SPAG16: variants seen among roughly 807,000 people sequenced by gnomAD.
SPAG16 encodes the protein sperm associated antigen 16.
In SPAG16, 86 loss-of-function variants were observed where a neutral mutation model predicts 80.4. The ratio of observed to expected loss-of-function variants is 1.07; its 90% CI spans 0.90 to 1.28. The LOEUF is 1.28. Ranked by LOEUF, SPAG16 falls within the 50% of genes most tolerant of loss-of-function variation. The probability of loss-of-function intolerance (pLI) is 0.00; values close to 1 mark genes in which losing one functional copy is unlikely to be tolerated. For synonymous variants in SPAG16, 294 were observed against 265.9 expected (o/e 1.11, Z -1.03); for missense variants, 870 against 765.3 (o/e 1.14, Z -1.61).
At chr2:214,391,678 C>T (rs896533229) in intron 15 of SPAG16, among the ~76,000 whole-genome samples, 6 of 152,146 alleles carry the variant, frequency 3.9e-5, no homozygotes, top group African/African-American at 1.2e-4. Context: ...AGTAGGGACT[C>T]AAATGCCTAA....
intron 13 of SPAG16, among the ~76,000 whole-genome samples, chr2:214,104,018 A>G (rs1187370270): frequency 6.6e-6 from 1 of 152,120 alleles, no homozygotes; most frequent in Non-Finnish European, 1.5e-5. Flanking sequence ...TCTGAAATCT[A>G]AACAAATCTT....
chr2:213,668,958 A>G (rs2063717789), intron 10 of SPAG16, among the ~76,000 whole-genome samples: 1 of 152,150 alleles, frequency 6.6e-6, no homozygotes. Context: ...TGAGAAATAT[A>G]ATAGTATTTC....
At chr2:213,440,427 C>T (rs1033989172) in intron 9 of SPAG16, among the ~76,000 whole-genome samples, 12 of 151,606 alleles carry the variant, frequency 7.9e-5, no homozygotes, top group East Asian at 1.9e-4. Context: ...TGGCGGCGGG[C>T]GCCTGTAGTC....
intron 14 of SPAG16, among the ~76,000 whole-genome samples, chr2:214,130,527 C>A (rs1337671511): frequency 6.6e-6 from 1 of 152,150 alleles, no homozygotes; most frequent in Non-Finnish European, 1.5e-5. Context: ...AATTTAACAC[C>A]ACTCGCTCTT....
At chr2:213,735,320 CA>C (rs979996106) in intron 10 of SPAG16, among the ~76,000 whole-genome samples, 13 of 152,168 alleles carry the variant, frequency 8.5e-5, no homozygotes, top group African/African-American at 2.4e-4. Flanking sequence ...TTTCTCAATT[CA>C]AAATAAAAAT....
At chr2:213,304,056 A>G (rs1053606377) in intron 3 of SPAG16, among the ~76,000 whole-genome samples, 1 of 152,140 alleles carries the variant, frequency 6.6e-6, no homozygotes, top group East Asian at 1.9e-4. Flanking sequence ...ATTATTGGCT[A>G]TCTTTCAGAT....
At chr2:214,289,128 A>G (rs1218077468) in intron 15 of SPAG16, among the ~76,000 whole-genome samples, 3 of 152,106 alleles carry the variant, frequency 2.0e-5, no homozygotes, top group African/African-American at 7.2e-5. Context: ...AGTTTCTTGT[A>G]TATTTCAGAT....
At chr2:213,765,445 T>C (rs1327605886) in intron 10 of SPAG16, among the ~76,000 whole-genome samples, 1 of 152,196 alleles carries the variant, frequency 6.6e-6, no homozygotes, top group Non-Finnish European at 1.5e-5. Flanking sequence ...CTTAGAAGAA[T>C]GGAGATAGAA....
chr2:213,628,634 ACTTCTATTT>A (rs974497089), intron 10 of SPAG16, among the ~76,000 whole-genome samples: 9 of 152,164 alleles, frequency 5.9e-5, no homozygotes, highest in Admixed American at 2.6e-4. Context: ...TTTGCTTGTA[ACTTCTATTT>A]CTTGACTTGA....
At chr2:213,432,458 A>G (rs568528667) in intron 9 of SPAG16, among the ~76,000 whole-genome samples, 2 of 152,304 alleles carry the variant, frequency 1.3e-5, no homozygotes, top group African/African-American at 4.8e-5. Flanking sequence ...ACAACCATGA[A>G]CAACCACATG....
At chr2:213,776,298 G>T (rs540757770) in intron 10 of SPAG16, among the ~76,000 whole-genome samples, 1 of 152,304 alleles carries the variant, frequency 6.6e-6, no homozygotes, top group East Asian at 1.9e-4. Context: ...TTGCAGGAGG[G>T]AGAGAGACAC....
chr2:214,141,365 G>A (rs2055349399), intron 14 of SPAG16, among the ~76,000 whole-genome samples: 1 of 151,718 alleles, frequency 6.6e-6, no homozygotes, highest in African/African-American at 2.4e-5. Flanking sequence ...TACTCAGGAG[G>A]CTGAGGCAGG....
intron 13 of SPAG16, among the ~76,000 whole-genome samples, chr2:214,067,707 A>C (rs898089850): frequency 1.3e-5 from 2 of 152,114 alleles, no homozygotes; most frequent in Non-Finnish European, 2.9e-5. Context: ...ATGTGAATAC[A>C]TCCGGGTCTT....
At chr2:213,823,052 T>C (rs935255846) in intron 10 of SPAG16, among the ~76,000 whole-genome samples, 1 of 152,230 alleles carries the variant, frequency 6.6e-6, no homozygotes, top group African/African-American at 2.4e-5. Flanking sequence ...GCATGTGTCT[T>C]ATAGTAGAAT....
intron 12 of SPAG16, among the ~76,000 whole-genome samples, chr2:213,978,487 T>G (rs2045532601): frequency 6.6e-6 from 1 of 152,134 alleles, no homozygotes; most frequent in South Asian, 2.1e-4. Context: ...TTCTACCTAC[T>G]TCCTATTGCC....
chr2:213,917,920 T>C (rs1186292362), intron 11 of SPAG16, among the ~76,000 whole-genome samples: 2 of 152,204 alleles, frequency 1.3e-5, no homozygotes, highest in African/African-American at 4.8e-5. Context: ...TTGTCATAGA[T>C]GGCTCTTATT....
intron 11 of SPAG16, among the ~76,000 whole-genome samples, chr2:213,922,322 T>C (rs191184925): frequency 1.5e-3 from 225 of 152,328 alleles, no homozygotes; most frequent in African/African-American, 5.3e-3. Context: ...TCCTGCTGTT[T>C]ATACTTGTGA....
chr2:213,628,250 G>T (rs371213566), intron 10 of SPAG16, among the ~76,000 whole-genome samples: 15 of 152,312 alleles, frequency 9.8e-5, no homozygotes, highest in African/African-American at 3.4e-4. Context: ...ATTCTTGAGT[G>T]TTTTCCAAGA....
intron 15 of SPAG16, among the ~76,000 whole-genome samples, chr2:214,170,231 C>CATAT (rs1559101409): frequency 3.2e-4 from 44 of 136,736 alleles, no homozygotes; most frequent in Non-Finnish European, 5.7e-4. Flanking sequence ...TATACGTATA[C>CATAT]ACACACACTT....
Sources: gnomAD v4.1 joint callset for allele counts (sites outside exome capture counted in the v4.1 genomes callset) on GRCh38, gnomAD v4.1.1 for gene constraint, MANE v1.5 for transcripts, NCBI Gene and HGNC (gene_info 2026-07-23, HGNC 2026-07-21) for gene names.